The following DENND2B variants were observed in gnomAD, a reference collection of about 807,000 sequenced individuals.
DENND2B encodes DENN domain-containing protein 2B.
Under a neutral mutation model 116.0 loss-of-function variants are expected in DENND2B, and 32 were observed. That is an observed-to-expected ratio of 0.28 (90% CI 0.21 to 0.37). The LOEUF (loss-of-function observed/expected upper bound fraction) is 0.37. Among genes scored for constraint, DENND2B ranks in the 10% least tolerant of loss-of-function variants. The pLI is 1.00. For missense variants in DENND2B, 1,276 were observed against 1,477.7 expected (o/e 0.86, Z 2.24); for synonymous variants, 588 against 583.9 (o/e 1.01, Z -0.10).
chr11:8,909,318 C>A (rs988172200), intron 1 of DENND2B, among the ~76,000 whole-genome samples: 1 of 152,054 alleles, frequency 6.6e-6, no homozygotes, highest in Non-Finnish European at 1.5e-5. Context: ...GAGCCGAGAT[C>A]GTGCCACTGC....
In DENND2B at chr11:8,726,212, G is replaced by A; in HGVS notation, c.1341-3C>T. ...CATCCTCAAACTCAAAGGATTTTCT[G>A]TGGATAACAAGAGCAAGAGTCATTC... On this transcript the variant is annotated splice_polypyrimidine_tract_variant and splice_region_variant and intron_variant, in intron 3 of 19. Transcript: ENST00000313726. 1.2e-6 allele frequency: 2 copies of A among 1,606,496 alleles called. No homozygotes were observed. Among genetic ancestry groups the A allele is most frequent in the South Asian group, 2.2e-5 (2 of 89,860 alleles).
At chr11:8,853,394 C>T (rs952940223) in intron 3 of DENND2B, among the ~76,000 whole-genome samples, 14 of 152,052 alleles carry the variant, frequency 9.2e-5, no homozygotes, top group African/African-American at 3.4e-4. Context: ...AAAAGAAAGA[C>T]GCTTGAGGGA....
chr11:8,699,052 A>G lies in DENND2B; in HGVS notation c.2899-78T>C, dbSNP rs2040995496. ...CCTCTGCCAGGCCTCCAGACCTCCC[A>G]GGTTCCCAGGGTCAGCTAACAGGAA... On this transcript the variant is annotated intron_variant, in intron 15 of 19. Transcript: ENST00000313726. 11 of 1,583,438 alleles carry G rather than the reference A, an allele frequency of 6.9e-6. No homozygotes were observed. The East Asian group carries it at 1.3e-4, about 19-fold the overall frequency.
At chr11:8,895,259 G>T (rs1257659456) in intron 1 of DENND2B, among the ~76,000 whole-genome samples, 1 of 152,066 alleles carries the variant, frequency 6.6e-6, no homozygotes, top group Non-Finnish European at 1.5e-5. Flanking sequence ...TGGGGTAGGG[G>T]GGTGGGAGGG....
intron 1 of DENND2B, among the ~76,000 whole-genome samples, chr11:8,806,659 C>T (rs1227317440): frequency 7.0e-6 from 1 of 143,458 alleles, no homozygotes; most frequent in African/African-American, 2.6e-5. Context: ...CTTTCTGGGG[C>T]CTATGGCTAG....
intron 4 of DENND2B, among the ~76,000 whole-genome samples, chr11:8,722,755 C>T (rs1251695117): frequency 3.3e-5 from 5 of 152,120 alleles, no homozygotes; most frequent in African/African-American, 1.2e-4. Flanking sequence ...CTGCAGACTC[C>T]GGAAACCACC....
At chr11:8,699,560 C>G (rs2041115418) in intron 14 of DENND2B, among the ~76,000 whole-genome samples, 170 bp from the exon 15 acceptor site, 1 of 152,172 alleles carries the variant, frequency 6.6e-6, no homozygotes, top group Non-Finnish European at 1.5e-5. Context: ...CTGCGTAGCG[C>G]CTCAAGGACA....
At chr11:8,810,066 T>C (rs1483264962) in intron 1 of DENND2B, 1 of 132,614 alleles carries the variant, frequency 7.5e-6, no homozygotes, top group Non-Finnish European at 1.7e-5. Context: ...TTTTTTTTTT[T>C]TCCATTACAG....
intron 3 of DENND2B, among the ~76,000 whole-genome samples, chr11:8,728,593 TC>T (rs10713412): frequency 1 from 152,003 of 152,224 alleles, 75,891 homozygotes; most frequent in Middle Eastern, 1. Flanking sequence ...TGATGAACTC[TC>T]CCCCCCACTC....
chr11:8,844,280 A>G lies in DENND2B; in HGVS notation c.-155-4930T>C, dbSNP rs558553050. Among the ~76,000 whole-genome samples, 99 of 152,276 alleles carry G rather than the reference A, an allele frequency of 6.5e-4. 1 individual carries two copies. Among genetic ancestry groups the G allele is most frequent in the African/African-American group, 2.3e-3 (95 of 41,566 alleles). Reference sequence around the variant, plus strand: ...GCCAAGTGTGGTGGTGCATGCCTACAGTCCCAGCTACTTGGGAGGCTAGGT... The same window carrying G: ...GCCAAGTGTGGTGGTGCATGCCTACGGTCCCAGCTACTTGGGAGGCTAGGT... On this transcript the variant is annotated intron_variant, in intron 3 of 6. Coordinates refer to the DENND2B transcript ENST00000524757.
At chr11:8,801,646 C>T (rs2060325247) in intron 1 of DENND2B, among the ~76,000 whole-genome samples, 1 of 145,610 alleles carries the variant, frequency 6.9e-6, no homozygotes, top group South Asian at 2.2e-4. Flanking sequence ...CATTTCACTC[C>T]AGCCTAGGTG....
intron 1 of DENND2B, chr11:8,776,176 A>G (rs1043233497): frequency 8.8e-6 from 4 of 454,982 alleles, no homozygotes; most frequent in South Asian, 3.1e-5. Context: ...ACACACACAC[A>G]CACACACACA....
Position 8,819,510 on chromosome 11 carries a change from C to T in DENND2B, c.-114-8175G>A, listed in dbSNP as rs574721550. Among the ~76,000 whole-genome samples the T allele has an allele frequency of 7.2e-5, 11 of 152,248 alleles. No individual in the cohort carries two copies. In the South Asian group the frequency reaches 1.9e-3, roughly 26 times the overall value. On this transcript the variant is annotated intron_variant, in intron 4 of 6. Coordinates refer to the DENND2B transcript ENST00000524757. ...AATAACCTCACGGTGGAGAAATGGA[C>T]ACATATCACCTTAATCAAGTGATCA...
At chr11:8,718,091 G>A (rs1592651974) in intron 4 of DENND2B, 199 bp from the exon 5 acceptor site, 1 of 170,416 alleles carries the variant, frequency 5.9e-6, no homozygotes, top group African/African-American at 2.4e-4. Context: ...TCCAGAAGCA[G>A]ACCCACCCCC....
At chr11:8,780,994 G>A (rs1219553681) in intron 1 of DENND2B, among the ~76,000 whole-genome samples, 2 of 152,154 alleles carry the variant, frequency 1.3e-5, no homozygotes, top group Non-Finnish European at 2.9e-5. Context: ...GAAGGAGTGG[G>A]AGGTGGAAAC....
intron 2 of DENND2B, among the ~76,000 whole-genome samples, chr11:8,866,052 C>T (rs1172167685): frequency 1.3e-5 from 2 of 152,082 alleles, no homozygotes; most frequent in Admixed American, 6.5e-5. Flanking sequence ...CTCCGCCTCC[C>T]GGGTTCACGC....
intron 2 of DENND2B, among the ~76,000 whole-genome samples, chr11:8,876,844 A>G (rs2134720853): frequency 6.6e-6 from 1 of 151,644 alleles, no homozygotes; most frequent in Non-Finnish European, 1.5e-5. Flanking sequence ...GTGCCACTGC[A>G]CATCAGCCTG....
In DENND2B at chr11:8,706,988, C is replaced by T. The variant is rs934810605; in HGVS notation, c.2571+97G>A. 1.2e-5 allele frequency: 17 copies of T among 1,466,744 alleles called. No homozygotes were observed. In the South Asian group the frequency reaches 1.2e-4, roughly 11 times the overall value. The allele number at this position is 1,466,744 out of a possible 1,614,324, so 90.9% of individuals were successfully genotyped here. ...CAGACATGGTTGAGCAAGGAGGGAC[C>T]GTGCTCTGCAACCCCCAAAGACTAC... On this transcript the variant is annotated intron_variant, in intron 13 of 19. Coordinates refer to ENST00000313726, the MANE Select transcript of DENND2B (RefSeq NM_213618.2).
At position 8,740,016 on chromosome 11, in the gene DENND2B, T is replaced by C. The variant is rs566411518; in HGVS notation, c.81-8807A>G. On this transcript the variant is annotated intron_variant, in intron 2 of 19. Transcript: ENST00000313726. ...GCCTAGGCAACATGGTAAAACTCTA[T>C]CTCTACAAAAAAAAAATTTAAAAAT... Among the ~76,000 whole-genome samples, 19 of 151,420 alleles carry C rather than the reference T, an allele frequency of 1.3e-4. No homozygotes were observed. In the East Asian group the frequency reaches 2.5e-3, roughly 20 times the overall value.
Sources: allele counts gnomAD v4.1 joint callset (sites outside exome capture counted in the v4.1 genomes callset), GRCh38; gene constraint gnomAD v4.1.1; transcripts MANE v1.5; gene names NCBI Gene and HGNC (gene_info 2026-07-23, HGNC 2026-07-21).